The following PRUNE2 variants were observed in gnomAD, a reference collection of about 807,000 sequenced individuals.
PRUNE2 encodes protein prune homolog 2.
Under a neutral mutation model 252.0 loss-of-function variants are expected in PRUNE2, and 164 were observed. That is an observed-to-expected ratio of 0.65 (90% confidence interval 0.57 to 0.74). PRUNE2 has a LOEUF of 0.74. PRUNE2 is among the 30% of genes least tolerant of loss of function. The pLI, the probability that PRUNE2 is intolerant of heterozygous loss-of-function variation, is 0.00. For synonymous variants in PRUNE2, 1,292 were observed against 1,350.2 expected (o/e 0.96, Z 0.94); for missense variants, 3,495 against 3,711.0 (o/e 0.94, Z 1.51).
In PRUNE2 at chr9:76,854,147, T is replaced by A; in HGVS notation, c.98A>T (p.Asp33Val). ...ATATGTGAAGGTAGAAATGAGAGAA[T>A]CCAAGTCACACGATTTAGGCCCAAT... is the stretch of plus-strand genomic sequence containing the variant. ...VVIGPKSCDL[D>V]SLISTFTYAY... is the part of the protein sequence containing the mutation. The change falls in exon 2 of 19, where the codon GAT becomes GTT. Residue 33 changes from aspartate (D) to valine (V), a missense_variant. Transcript: ENST00000376718. The A allele has an allele frequency of 6.2e-7, 1 of 1,603,356 alleles. No individual in the cohort carries two copies. The highest frequency in any genetic ancestry group is 1.3e-5 in the African/African-American group (1 of 74,894).
chr9:76,774,238 C>T (rs1258766487), intron 6 of PRUNE2, among the ~76,000 whole-genome samples: 5 of 151,960 alleles, frequency 3.3e-5, no homozygotes, highest in African/African-American at 7.3e-5. Flanking sequence ...TAGGCTCAAG[C>T]GATCCTCCCA....
chr9:76,869,766 T>C (rs2061077313), intron 1 of PRUNE2, among the ~76,000 whole-genome samples: 1 of 152,198 alleles, frequency 6.6e-6, no homozygotes, highest in African/African-American at 2.4e-5. Context: ...ATCAGAGGCT[T>C]CCCACCTTGG....
intron 6 of PRUNE2, among the ~76,000 whole-genome samples, chr9:76,726,630 AG>A (rs1238106533): frequency 6.6e-6 from 1 of 152,248 alleles, no homozygotes; most frequent in East Asian, 1.9e-4. Flanking sequence ...TTAAGCTTAG[AG>A]AATGAAAATT....
chr9:76,670,209 C>T (rs893993766), intron 9 of PRUNE2, among the ~76,000 whole-genome samples: 4 of 152,068 alleles, frequency 2.6e-5, no homozygotes, highest in Admixed American at 6.5e-5. Context: ...GTGCGCGAGC[C>T]GAAGCAGGGC....
chr9:76,819,714 T>C (rs896444247), intron 6 of PRUNE2, among the ~76,000 whole-genome samples: 6 of 152,202 alleles, frequency 3.9e-5, no homozygotes, highest in African/African-American at 1.4e-4. Context: ...TAATAATGAC[T>C]AACAGTCTTT....
chr9:76,641,888 CAT>C (rs2132815333), intron 12 of PRUNE2: 3 of 1,478,422 alleles, frequency 2.0e-6, no homozygotes, highest in East Asian at 2.5e-5. Context: ...GCAACCAAAA[CAT>C]ACACACACAC....
intron 6 of PRUNE2, among the ~76,000 whole-genome samples, chr9:76,719,527 T>C (rs973737518): frequency 6.6e-6 from 1 of 152,150 alleles, no homozygotes; most frequent in Non-Finnish European, 1.5e-5. Flanking sequence ...GGCTCACATC[T>C]GTAATCCTAG....
Position 76,709,713 on chromosome 9 carries a change from C to T in PRUNE2, c.2561G>A (p.Ser854Asn). The change falls in exon 8 of 19, where the codon AGT becomes AAT. Residue 854 changes from serine to asparagine, a missense_variant. By Grantham distance (46) the Ser-to-Asn change is conservative. Transcript: ENST00000376718. The part of the protein sequence containing the change: ...SSSELLDNSP[S>N]EINNEAAPEI... The stretch of plus-strand genomic sequence containing the variant: ...TGGAGCTGCTTCATTGTTTATCTCA[C>T]TGGGTGAATTGTCCAGTAGTTCTGA... 1.2e-6 allele frequency: 2 copies of T among 1,614,036 alleles called. No individual in the cohort carries two copies. The highest frequency in any genetic ancestry group is 1.7e-6 in the Non-Finnish European group (2 of 1,179,906).
At chr9:76,661,123 A>G (rs769619818) in intron 9 of PRUNE2, among the ~76,000 whole-genome samples, 5 of 152,224 alleles carry the variant, frequency 3.3e-5, no homozygotes, top group Non-Finnish European at 7.3e-5. Context: ...CCAAGACCTC[A>G]GTAGCCATTC....
chr9:76,879,786 T>C (rs1438780033), intron 1 of PRUNE2, among the ~76,000 whole-genome samples: 1 of 146,242 alleles, frequency 6.8e-6, no homozygotes, highest in Non-Finnish European at 1.5e-5. Context: ...TGGAGGTATA[T>C]CAAAAAAGAA....
chr9:76,811,125 C>A (rs1408823758), intron 6 of PRUNE2, among the ~76,000 whole-genome samples: 1 of 152,090 alleles, frequency 6.6e-6, no homozygotes, highest in Non-Finnish European at 1.5e-5. Flanking sequence ...GAGCACATTC[C>A]TAAAAATGTA....
chr9:76,781,524 T>G (rs894411048), intron 6 of PRUNE2, among the ~76,000 whole-genome samples: 3 of 152,250 alleles, frequency 2.0e-5, no homozygotes, highest in Non-Finnish European at 4.4e-5. Context: ...TTTATAAACT[T>G]AAAAATTACT....
At chr9:76,820,619 C>A (rs565973192) in intron 6 of PRUNE2, among the ~76,000 whole-genome samples, 1 of 152,168 alleles carries the variant, frequency 6.6e-6, no homozygotes, top group Non-Finnish European at 1.5e-5. Context: ...TTCCCATATC[C>A]CCGACATGCT....
chr9:76,894,717 CAAAA>C (rs113594017), intron 1 of PRUNE2, among the ~76,000 whole-genome samples: 5 of 120,632 alleles, frequency 4.1e-5, no homozygotes, highest in Admixed American at 1.7e-4. Flanking sequence ...TTTTCTGCAG[CAAAA>C]AAAAAAAAAA....
At position 76,707,998 on chromosome 9, in the gene PRUNE2, G is replaced by A. The variant is rs1440278556; in HGVS notation, c.4276C>T (p.Pro1426Ser). 2 of 1,613,664 alleles carry A rather than the reference G, an allele frequency of 1.2e-6. No homozygotes were observed. The highest frequency in any genetic ancestry group is 2.2e-5 in the East Asian group (1 of 44,882). The change falls in exon 8 of 19, where the codon CCA (proline) becomes TCA (serine). Residue 1426 changes from proline (P) to serine (S), a missense_variant. By Grantham distance (74) the Pro-to-Ser change is moderately conservative. Transcript: ENST00000376718. Reference sequence around the variant, plus strand: ...AGGTGTTTTTCATGGGTATCTTTTGGCTGCAGGTTATCTGCGGACATCCCT... The same window carrying A: ...AGGTGTTTTTCATGGGTATCTTTTGACTGCAGGTTATCTGCGGACATCCCT... ...QTGMSADNLQ[P>S]KDTHEKHLMS...
chr9:76,871,050 T>A (rs910336813), intron 1 of PRUNE2, among the ~76,000 whole-genome samples: 1 of 152,182 alleles, frequency 6.6e-6, no homozygotes, highest in Admixed American at 6.5e-5. Context: ...TCCTACGTTA[T>A]CCCTATGTGA....
chr9:76,691,256 C>T (rs1246368605), intron 9 of PRUNE2, among the ~76,000 whole-genome samples: 1 of 152,154 alleles, frequency 6.6e-6, no homozygotes, highest in Non-Finnish European at 1.5e-5. Context: ...GGAGATTATG[C>T]CCCCTTTCCC....
In PRUNE2 at chr9:76,629,266, T is replaced by C. The variant is rs1365753170; in HGVS notation, c.9075A>G (p.Lys3025=). Residue 3025 remains lysine (K), a synonymous_variant, in exon 16 of 19, where the codon AAA becomes AAG. Transcript: ENST00000376718. ...TGAGTTCTGATAAGCTATTGACATA[T>C]TTAATTTTACTGCTGAATTTTGAAC... is the stretch of plus-strand genomic sequence containing the variant. ...FISSKFSSKI[K]YVNSLSELSG... 1.9e-6 allele frequency: 3 copies of C among 1,585,452 alleles called. No homozygotes were observed. The highest frequency in any genetic ancestry group is 1.2e-5 in the South Asian group (1 of 86,720).
At position 76,703,882 on chromosome 9, in the gene PRUNE2, C is replaced by T. The variant is rs772792997; in HGVS notation, c.7731G>A (p.Leu2577=). Residue 2577 remains leucine (L), a synonymous_variant, in exon 9 of 19, where the codon TTG becomes TTA. Coordinates refer to ENST00000376718, the MANE Select transcript of PRUNE2 (RefSeq NM_015225.3). ...GCCCTGTTTCTTTGGAACCTACATA[C>T]AATTCTAATTCAGCTATGCTTTCTC... The part of the protein sequence containing the change: ...EERESIAELE[L]YVGSKETGLQ... The T allele has an allele frequency of 1.2e-6, 2 of 1,613,906 alleles. No individual in the cohort carries two copies. The highest frequency in any genetic ancestry group is 1.7e-6 in the Non-Finnish European group (2 of 1,179,854).
Sources: gnomAD v4.1 joint callset for allele counts (sites outside exome capture counted in the v4.1 genomes callset) on GRCh38, gnomAD v4.1.1 for gene constraint, MANE v1.5 for transcripts, NCBI Gene and HGNC (gene_info 2026-07-23, HGNC 2026-07-21) for gene names.